Variants in ZNF81 observed in about 807,000 individuals in gnomAD.
The protein encoded by ZNF81 is zinc finger protein 81.
In ZNF81, 5 loss-of-function variants were observed where a neutral mutation model predicts 32.3. The ratio of observed to expected loss-of-function variants is 0.15; its 90% CI spans 0.08 to 0.33. The LOEUF (loss-of-function observed/expected upper bound fraction) is 0.33, where lower values mean the gene tolerates loss of function less well. Ranked by LOEUF, ZNF81 falls within the 10% of genes least tolerant of loss-of-function variation. The pLI, the probability that ZNF81 is intolerant of heterozygous loss-of-function variation, is 1.00. For missense variants in ZNF81, 379 were observed against 479.8 expected (o/e 0.79, Z 1.96); for synonymous variants, 163 against 166.8 (o/e 0.98, Z 0.17).
At chrX:47,896,547 G>GT (rs1354047296) in intron 4 of ZNF81, among the ~76,000 whole-genome samples, 4 of 111,447 alleles carry the variant, frequency 3.6e-5, no homozygotes, top group Admixed American at 9.6e-5. Flanking sequence ...TGACTTTATG[G>GT]TCACTATCAC....
At position 47,899,592 on chromosome X, in the gene ZNF81, T is replaced by C. The variant is rs2058691756; in HGVS notation, c.277+3652T>C. On this transcript the variant is annotated intron_variant, in intron 4 of 4. Transcript: ENST00000338637. ...ATGTCTTTGTCATGTTTTGATATTATGGTTATACTGGCTACTAAAATGAGT... is the reference window on the plus strand; with the variant it reads ...ATGTCTTTGTCATGTTTTGATATTACGGTTATACTGGCTACTAAAATGAGT... Among the ~76,000 whole-genome samples, 4 of 111,170 alleles carry C rather than the reference T, an allele frequency of 3.6e-5. No homozygotes were observed. The South Asian group carries it at 1.5e-3, about 41-fold the overall frequency.
At position 47,915,687 on chromosome X, in the gene ZNF81, G is replaced by T; in HGVS notation, c.1041G>T (p.Met347Ile). The part of the protein sequence containing the change: ...KAFIQNSELI[M>I]HEKTHTREKP... ...TCATCCAGAATTCAGAATTAATTAT[G>T]CATGAGAAAACTCATACTAGAGAGA... The change falls in exon 5 of 5, where the codon ATG becomes ATT. Residue 347 changes from methionine (M) to isoleucine (I), a missense_variant. Coordinates refer to ENST00000338637, the MANE Select transcript of ZNF81 (RefSeq NM_007137.5). 1 of 1,206,885 alleles carries T rather than the reference G, an allele frequency of 8.3e-7. No homozygotes were observed. Among genetic ancestry groups the T allele is most frequent in the Non-Finnish European group, 1.1e-6 (1 of 893,606 alleles).
At chrX:47,839,674 C>G (rs889900178) in intron 1 of ZNF81, among the ~76,000 whole-genome samples, 10 of 111,772 alleles carry the variant, frequency 8.9e-5, no homozygotes, top group Admixed American at 5.7e-4. Context: ...CTTCTGTTCC[C>G]AAGCATTTTG....
intron 2 of ZNF81, among the ~76,000 whole-genome samples, chrX:47,862,099 CAA>C (rs2058542534): frequency 1.8e-5 from 2 of 111,400 alleles, no homozygotes; most frequent in East Asian, 2.8e-4. Flanking sequence ...GGTGAGGTCT[CAA>C]GAGTCATTTG....
At chrX:47,889,683 C>T (rs903288118) in intron 3 of ZNF81, among the ~76,000 whole-genome samples, 43 of 112,114 alleles carry the variant, frequency 3.8e-4, no homozygotes, top group African/African-American at 1.3e-3. Context: ...AATTCGCTCA[C>T]GGTTCTGCAG....
At chrX:47,911,494 C>T (rs1010867165) in intron 4 of ZNF81, among the ~76,000 whole-genome samples, 1 of 110,643 alleles carries the variant, frequency 9.0e-6, no homozygotes, top group African/African-American at 3.3e-5. Context: ...AAAGTAAGAG[C>T]TCGTATCTTA....
intron 1 of ZNF81, among the ~76,000 whole-genome samples, chrX:47,844,056 C>T (rs1375491099): frequency 1.8e-5 from 2 of 111,794 alleles, no homozygotes; most frequent in African/African-American, 6.5e-5. Context: ...TGCTGTATTC[C>T]GTAACTTCTG....
In ZNF81 at chrX:47,916,758, C is replaced by T; in HGVS notation, c.*126C>T. The T allele has an allele frequency of 1.3e-6, 1 of 756,981 alleles. No homozygotes were observed. Among genetic ancestry groups the T allele is most frequent in the Non-Finnish European group, 1.8e-6 (1 of 558,518 alleles). 62.4% of individuals were successfully genotyped at this position (756,981 alleles called of 1,213,427 possible). ...ACATTGTATAAGGAAAAGCATCAGG[C>T]TATCTCACTTGAGATGGAAAAAAAT... On this transcript the variant is annotated 3_prime_UTR_variant, in exon 5 of 5. Coordinates refer to ENST00000338637, the MANE Select transcript of ZNF81 (RefSeq NM_007137.5).
intron 1 of ZNF81, among the ~76,000 whole-genome samples, chrX:47,839,100 A>G (rs2058436485): frequency 8.9e-6 from 1 of 112,102 alleles, no homozygotes; most frequent in South Asian, 3.7e-4. Context: ...TGGTTTTAGT[A>G]TTAGGGTAAT....
chrX:47,848,063 C>T (rs781846182), intron 2 of ZNF81, among the ~76,000 whole-genome samples: 21 of 110,626 alleles, frequency 1.9e-4, no homozygotes, highest in Admixed American at 1.6e-3. Flanking sequence ...TACAGGCACC[C>T]GCCACCACAC....
intron 4 of ZNF81, among the ~76,000 whole-genome samples, chrX:47,899,494 C>G (rs2058691131): frequency 9.1e-6 from 1 of 109,921 alleles, no homozygotes; most frequent in African/African-American, 3.3e-5. Flanking sequence ...TTGTTGGACT[C>G]TACTTACTGA....
At chrX:47,889,178 G>A (rs1181695429) in intron 3 of ZNF81, among the ~76,000 whole-genome samples, 1 of 112,009 alleles carries the variant, frequency 8.9e-6, no homozygotes, top group Non-Finnish European at 1.9e-5. Flanking sequence ...GAACACCAAG[G>A]GTGTGTCTGG....
At chrX:47,875,330 A>C (rs1406385209) in intron 2 of ZNF81, among the ~76,000 whole-genome samples, 2 of 112,441 alleles carry the variant, frequency 1.8e-5, no homozygotes, top group African/African-American at 6.5e-5. Context: ...CACCACAAAT[A>C]AGTTAATTCA....
At position 47,846,238 on chromosome X, in the gene ZNF81, C is replaced by T; in HGVS notation, c.-30C>T. 1 of 1,204,173 alleles carries T rather than the reference C, an allele frequency of 8.3e-7. No individual in the cohort carries two copies. Among genetic ancestry groups the T allele is most frequent in the Non-Finnish European group, 1.1e-6 (1 of 892,394 alleles). The stretch of plus-strand genomic sequence containing the variant: ...TTATAAAGTTGTCAGCAAGAAAGCC[C>T]CAGGGCTGAAGTCCAAGTCCGTCGG... On this transcript the variant is annotated 5_prime_UTR_variant, in exon 2 of 5. Coordinates refer to ENST00000338637, the MANE Select transcript of ZNF81 (RefSeq NM_007137.5).
intron 2 of ZNF81, among the ~76,000 whole-genome samples, chrX:47,874,919 T>C (rs1206373350): frequency 9.0e-6 from 1 of 111,633 alleles, no homozygotes; most frequent in African/African-American, 3.3e-5. Flanking sequence ...CAATCTAGGC[T>C]AAGCATGAAA....
intron 2 of ZNF81, among the ~76,000 whole-genome samples, chrX:47,859,035 T>G (rs973667480): frequency 9.3e-6 from 1 of 107,113 alleles, no homozygotes; most frequent in East Asian, 2.9e-4. Flanking sequence ...GAAGTTGCGG[T>G]GAGGCAAGAT....
intron 2 of ZNF81, among the ~76,000 whole-genome samples, chrX:47,847,762 T>C (rs1194213679): frequency 3.6e-5 from 4 of 111,857 alleles, no homozygotes; most frequent in African/African-American, 6.5e-5. Context: ...ACTTTGCATG[T>C]CTGAAAATGT....
intron 2 of ZNF81, among the ~76,000 whole-genome samples, chrX:47,854,488 A>G (rs1445327860): frequency 3.6e-5 from 4 of 112,309 alleles, no homozygotes; most frequent in South Asian, 7.4e-4. Context: ...TTGGCTTTCA[A>G]CAGGCCTTCC....
Position 47,905,279 on chromosome X carries a change from C to T in ZNF81, c.277+9339C>T, listed in dbSNP as rs182731885. ...TACAAAAATTAGCTGGATGTGGTGG[C>T]GGGTGCCTGTAATCCCAGCTGCTCG... On this transcript the variant is annotated intron_variant, in intron 4 of 4. Coordinates refer to ENST00000338637, the MANE Select transcript of ZNF81 (RefSeq NM_007137.5). Among the ~76,000 whole-genome samples the T allele has an allele frequency of 8.0e-3, 842 of 105,264 alleles. 7 individuals carry two copies. The highest frequency in any genetic ancestry group is 0.028 in the African/African-American group (813 of 28,889). 91.4% of individuals were successfully genotyped at this position (105,264 alleles called of 115,157 possible).
Sources: allele counts gnomAD v4.1 joint callset (sites outside exome capture counted in the v4.1 genomes callset), GRCh38; gene constraint gnomAD v4.1.1; transcripts MANE v1.5; gene names NCBI Gene and HGNC (gene_info 2026-07-23, HGNC 2026-07-21).